Variants in CEPT1 observed in about 807,000 individuals in gnomAD.
CEPT1 encodes choline/ethanolaminephosphotransferase 1.
CEPT1 carries 7 observed loss-of-function variants against 42.6 expected under a neutral mutation model. That is an observed-to-expected ratio of 0.16 (90% CI 0.09 to 0.31). CEPT1 has a LOEUF of 0.31. Among genes scored for constraint, CEPT1 ranks in the 10% least tolerant of loss-of-function variants. CEPT1 has a pLI of 1.00. For synonymous variants in CEPT1, 171 were observed against 171.9 expected (o/e 0.99, Z 0.04); for missense variants, 306 against 502.1 (o/e 0.61, Z 3.73).
intron 4 of CEPT1, among the ~76,000 whole-genome samples, chr1:111,164,783 C>T (rs181835629): frequency 6.6e-6 from 1 of 151,928 alleles, no homozygotes; most frequent in African/African-American, 2.4e-5. Flanking sequence ...GCCACCATGC[C>T]CAGCTAGTTT....
chr1:111,174,169 C>T (rs909008509), intron 4 of CEPT1, among the ~76,000 whole-genome samples: 1 of 151,966 alleles, frequency 6.6e-6, no homozygotes, highest in Admixed American at 6.6e-5. Context: ...ATCTTTTTGC[C>T]CATGTTCTTT....
At chr1:111,179,934 A>T (rs1279278882) in intron 5 of CEPT1, 1 of 152,192 alleles carries the variant, frequency 6.6e-6, no homozygotes, top group Non-Finnish European at 1.5e-5. Flanking sequence ...GACAAAAGTG[A>T]TGAAAACCTT....
intron 4 of CEPT1, among the ~76,000 whole-genome samples, chr1:111,164,964 T>G (rs558447591): frequency 1.3e-3 from 191 of 151,806 alleles, no homozygotes; most frequent in African/African-American, 4.5e-3. Flanking sequence ...GACATATATA[T>G]ATAGAATCAT....
upstream of CEPT1, chr1:111,139,918 A>AG (rs1237877602): frequency 1.3e-5 from 2 of 152,326 alleles, no homozygotes; most frequent in African/African-American, 4.8e-5. Flanking sequence ...GACGCGGGTA[A>AG]GGGGGCTCCA....
chr1:111,155,151 CTTGTTAT>C (rs1028410977), intron 2 of CEPT1, among the ~76,000 whole-genome samples: 4 of 152,064 alleles, frequency 2.6e-5, no homozygotes, highest in Admixed American at 2.0e-4. Flanking sequence ...TTTATTCAAT[CTTGTTAT>C]TTGTTATTAG....
At chr1:111,178,545 A>C (rs907978876) in intron 5 of CEPT1, 7 of 151,954 alleles carry the variant, frequency 4.6e-5, no homozygotes, top group Non-Finnish European at 8.8e-5. Context: ...AACAAAAAGC[A>C]TATTTTTTGT....
intron 5 of CEPT1, among the ~76,000 whole-genome samples, chr1:111,176,875 C>T (rs1225853927): frequency 6.6e-6 from 1 of 152,188 alleles, no homozygotes; most frequent in Non-Finnish European, 1.5e-5. Flanking sequence ...TTACTCCTGA[C>T]TCTGAATTTA....
chr1:111,178,896 C>T (rs1035466202), intron 5 of CEPT1: 2 of 152,168 alleles, frequency 1.3e-5, no homozygotes, highest in African/African-American at 4.8e-5. Context: ...AATGCCTTTA[C>T]ACTTAAATAA....
chr1:111,174,852 C>G, intron 4 of CEPT1, 27 bp from the exon 5 acceptor site: 1 of 1,397,890 alleles, frequency 7.2e-7, no homozygotes, highest in Non-Finnish European at 1.0e-6. Flanking sequence ...ACTAATTCTG[C>G]TCTTTTGGCT....
intron 1 of CEPT1, among the ~76,000 whole-genome samples, chr1:111,145,294 G>A (rs565412073): frequency 3.9e-5 from 6 of 152,206 alleles, no homozygotes; most frequent in Non-Finnish European, 7.3e-5. Flanking sequence ...GTGAGCCACC[G>A]CGCCTGGCGA....
intron 5 of CEPT1, among the ~76,000 whole-genome samples, chr1:111,176,262 A>T (rs1656671405): frequency 6.6e-6 from 1 of 152,202 alleles, no homozygotes; most frequent in Non-Finnish European, 1.5e-5. Context: ...TGTGTAGGAA[A>T]TACGAATTTT....
intron 2 of CEPT1, among the ~76,000 whole-genome samples, chr1:111,156,218 CTT>C (rs1655563210): frequency 6.6e-6 from 1 of 152,162 alleles, no homozygotes; most frequent in South Asian, 2.1e-4. Flanking sequence ...CAAAGTTCCT[CTT>C]GTTATTGATT....
Position 111,167,681 on chromosome 1 carries a change from T to G in CEPT1, c.629+6385T>G. The G allele has an allele frequency of 4.1e-6, 4 of 982,636 alleles. No homozygotes were observed. In the South Asian group the frequency reaches 1.9e-4, roughly 46 times the overall value. The allele number at this position is 982,636 out of a possible 1,614,324, so 60.9% of individuals were successfully genotyped here. A position where few individuals can be genotyped will look rare whatever the true frequency, so the allele number is the denominator to read the frequency against. On this transcript the variant is annotated intron_variant, in intron 4 of 8. Transcript: ENST00000357172. The stretch of plus-strand genomic sequence containing the variant: ...GTTCTGCTTGAGTTTACAGCAGTCT[T>G]GGTGTTGTATAATATTTATGCTGGA...
intron 4 of CEPT1, among the ~76,000 whole-genome samples, chr1:111,162,727 A>G (rs1389381186): frequency 1.3e-5 from 2 of 152,270 alleles, no homozygotes; most frequent in Non-Finnish European, 2.9e-5. Flanking sequence ...AAATGAGGAC[A>G]GAAAAGTGTA....
Position 111,174,772 on chromosome 1 carries a change from T to A in CEPT1, c.630-107T>A, listed in dbSNP as rs1255738401. 5.0e-6 allele frequency: 3 copies of A among 599,314 alleles called. No homozygotes were observed. In the African/African-American group the frequency reaches 5.8e-5, roughly 12 times the overall value. The allele number at this position is 599,314 out of a possible 1,614,324, so 37.1% of individuals were successfully genotyped here. On this transcript the variant is annotated intron_variant, in intron 4 of 8. Transcript: ENST00000357172. ...TTCCCCTTTCCTCAATATTTGAGAT[T>A]TTTTTTTTCTATTGTGCATGATAGA...
In CEPT1 at chr1:111,183,453, T is replaced by C. The variant is rs1657092509; in HGVS notation, c.1006-9T>C. 1 of 1,612,982 alleles carries C rather than the reference T, an allele frequency of 6.2e-7. No individual in the cohort carries two copies. The highest frequency in any genetic ancestry group is 1.3e-5 in the African/African-American group (1 of 74,902). On this transcript the variant is annotated splice_polypyrimidine_tract_variant and intron_variant, in intron 7 of 8. Coordinates refer to ENST00000357172, the MANE Select transcript of CEPT1 (RefSeq NM_006090.5). Reference sequence around the variant, plus strand: ...TGAAAATGCCTACGTTATTCTGTTTTATTCATAGGTTGCACACATGACGAA... The same window carrying C: ...TGAAAATGCCTACGTTATTCTGTTTCATTCATAGGTTGCACACATGACGAA...
intron 2 of CEPT1, among the ~76,000 whole-genome samples, chr1:111,158,470 ACT>A (rs1376455873): frequency 1.3e-5 from 2 of 152,166 alleles, no homozygotes; most frequent in African/African-American, 4.8e-5. Flanking sequence ...TATTCTGAAC[ACT>A]CTATGCACTG....
intron 2 of CEPT1, 99 bp downstream of exon 2, chr1:111,148,152 G>C (rs1019245022): frequency 1.2e-6 from 1 of 856,166 alleles, no homozygotes; most frequent in African/African-American, 1.7e-5. Context: ...TAATCTGACA[G>C]CTGTCAACTA....
intron 4 of CEPT1, among the ~76,000 whole-genome samples, chr1:111,163,044 C>CA (rs1331146642): frequency 6.6e-6 from 1 of 151,418 alleles, no homozygotes; most frequent in Admixed American, 6.6e-5. Context: ...ATTTATAGAA[C>CA]AATAGCTAAA....
Sources: gnomAD v4.1 joint callset for allele counts (sites outside exome capture counted in the v4.1 genomes callset) on GRCh38, gnomAD v4.1.1 for gene constraint, MANE v1.5 for transcripts, NCBI Gene and HGNC (gene_info 2026-07-23, HGNC 2026-07-21) for gene names.